The following SCAPER variants were observed in gnomAD, a reference collection of about 807,000 sequenced individuals.
SCAPER encodes S-phase cyclin A associated protein in the ER.
In SCAPER, 98 loss-of-function variants were observed where a neutral mutation model predicts 182.2. That is an observed-to-expected ratio of 0.54 (90% CI 0.46 to 0.64). SCAPER has a LOEUF of 0.64. Ranked by LOEUF, SCAPER falls within the 30% of genes least tolerant of loss-of-function variation. SCAPER has a pLI of 0.00. For missense variants in SCAPER, 1,432 were observed against 1,690.0 expected (o/e 0.85, Z 2.68); for synonymous variants, 605 against 564.6 (o/e 1.07, Z -1.01).
chr15:76,422,581 T>C (rs2046121806), intron 26 of SCAPER, among the ~76,000 whole-genome samples: 1 of 152,212 alleles, frequency 6.6e-6, no homozygotes, highest in Admixed American at 6.5e-5. Context: ...ACAACTTGAC[T>C]TCCTCTTTTC....
intron 27 of SCAPER, among the ~76,000 whole-genome samples, chr15:76,386,483 T>C (rs1307673921): frequency 1.3e-5 from 2 of 152,104 alleles, no homozygotes; most frequent in Non-Finnish European, 1.5e-5. Flanking sequence ...TGCAGGAAGA[T>C]ATAAACGAAC....
At chr15:76,714,142 G>C (rs1023977427) in intron 17 of SCAPER, among the ~76,000 whole-genome samples, 2 of 152,076 alleles carry the variant, frequency 1.3e-5, no homozygotes, top group Admixed American at 1.3e-4. Context: ...AAGAGAGAAA[G>C]TAAATCAGTG....
At chr15:76,462,477 T>C (rs2049264504) in intron 25 of SCAPER, among the ~76,000 whole-genome samples, 2 of 152,292 alleles carry the variant, frequency 1.3e-5, no homozygotes, top group Admixed American at 6.5e-5. Flanking sequence ...CCATATGTGC[T>C]TATAGAGAAT....
intron 1 of SCAPER, among the ~76,000 whole-genome samples, chr15:76,889,375 C>A (rs533321110): frequency 6.6e-6 from 1 of 152,150 alleles, no homozygotes; most frequent in Non-Finnish European, 1.5e-5. Context: ...AAGACACAGA[C>A]TGGCAAATTG....
At chr15:76,656,675 A>C (rs1014466475) in intron 21 of SCAPER, among the ~76,000 whole-genome samples, 4 of 152,094 alleles carry the variant, frequency 2.6e-5, no homozygotes, top group Non-Finnish European at 5.9e-5. Flanking sequence ...AAATTCAAAA[A>C]CCCAAAATCA....
chr15:76,802,462 A>G (rs901337556), intron 6 of SCAPER, among the ~76,000 whole-genome samples: 3 of 152,216 alleles, frequency 2.0e-5, no homozygotes, highest in African/African-American at 7.2e-5. Flanking sequence ...TTACCAACGT[A>G]AGGGTAAAAT....
At chr15:76,441,201 G>C (rs753135265) in intron 25 of SCAPER, among the ~76,000 whole-genome samples, 1 of 145,588 alleles carries the variant, frequency 6.9e-6, no homozygotes, top group African/African-American at 2.4e-5. Context: ...GATTACAGGT[G>C]TGAGCCACCG....
At position 76,793,143 on chromosome 15, in the gene SCAPER, C is replaced by G. The variant is rs79365478; in HGVS notation, c.772+2137G>C. 8.5e-3 allele frequency: 7,192 copies of G among 850,876 alleles called. 291 individuals are homozygous for G. In the African/African-American group the frequency reaches 0.094, roughly 11 times the overall value. 52.7% of individuals were successfully genotyped at this position (850,876 alleles called of 1,614,324 possible). A position where few individuals can be genotyped will look rare whatever the true frequency, so the allele number is the denominator to read the frequency against. On this transcript the variant is annotated intron_variant, in intron 8 of 31. Coordinates refer to ENST00000563290, the MANE Select transcript of SCAPER (RefSeq NM_020843.4). ...CATTAAATGCATGTGGTCACTCTAT[C>G]ATCTTTAACTAGAATTATTTTTTAT...
chr15:76,658,864 C>T (rs953804279), intron 21 of SCAPER, among the ~76,000 whole-genome samples: 1 of 152,116 alleles, frequency 6.6e-6, no homozygotes, highest in Non-Finnish European at 1.5e-5. Flanking sequence ...ATTGGCTAGC[C>T]ATATGCAGAA....
intron 26 of SCAPER, among the ~76,000 whole-genome samples, chr15:76,418,316 T>C (rs1388581519): frequency 6.6e-6 from 1 of 152,154 alleles, no homozygotes; most frequent in East Asian, 1.9e-4. Context: ...GAGGACTTCT[T>C]ACAGGGAAAA....
intron 5 of SCAPER, among the ~76,000 whole-genome samples, chr15:76,837,396 C>T (rs999409145): frequency 6.6e-6 from 1 of 152,136 alleles, no homozygotes; most frequent in East Asian, 1.9e-4. Flanking sequence ...CCTCAGAAAA[C>T]TTATGATCAT....
At chr15:76,400,608 C>T (rs2044390722) in intron 27 of SCAPER, among the ~76,000 whole-genome samples, 1 of 152,044 alleles carries the variant, frequency 6.6e-6, no homozygotes, top group Non-Finnish European at 1.5e-5. Flanking sequence ...AGAGGAAGAA[C>T]AACAATAAGG....
chr15:76,485,059 C>A (rs550884889), intron 24 of SCAPER, among the ~76,000 whole-genome samples: 13 of 152,138 alleles, frequency 8.5e-5, no homozygotes, highest in Admixed American at 2.0e-4. Flanking sequence ...CCAGGGCAAT[C>A]AGGCAAGAGA....
chr15:76,839,963 C>T (rs969535779), intron 5 of SCAPER, among the ~76,000 whole-genome samples: 4 of 152,118 alleles, frequency 2.6e-5, no homozygotes, highest in Non-Finnish European at 4.4e-5. Context: ...AAAGAAACTG[C>T]TGCTTTGATT....
At chr15:76,715,110 G>T (rs143190439) in intron 17 of SCAPER, among the ~76,000 whole-genome samples, 38 of 152,072 alleles carry the variant, frequency 2.5e-4, no homozygotes, top group African/African-American at 8.2e-4. Context: ...AACAGAAGTG[G>T]CATCCCACTC....
At chr15:76,854,201 G>A (rs192483728) in intron 4 of SCAPER, among the ~76,000 whole-genome samples, 11 of 151,954 alleles carry the variant, frequency 7.2e-5, no homozygotes, top group Admixed American at 2.0e-4. Flanking sequence ...CCCAGGAGGC[G>A]GAGGTTGTGG....
chr15:76,656,414 C>T (rs993394416), intron 21 of SCAPER, among the ~76,000 whole-genome samples: 15 of 152,122 alleles, frequency 9.9e-5, no homozygotes, highest in Non-Finnish European at 2.2e-4. Flanking sequence ...TTCTTATAAA[C>T]TTATGAAAAG....
intron 23 of SCAPER, among the ~76,000 whole-genome samples, chr15:76,568,056 A>G (rs1170809365): frequency 6.6e-6 from 1 of 151,862 alleles, no homozygotes; most frequent in Non-Finnish European, 1.5e-5. Context: ...TAGAAGTAAC[A>G]TTTTTTAAAA....
chr15:76,847,212 G>T (rs926781527), intron 4 of SCAPER, among the ~76,000 whole-genome samples: 18 of 152,078 alleles, frequency 1.2e-4, no homozygotes, highest in Non-Finnish European at 2.5e-4. Context: ...AGGGGAGTAG[G>T]GGGGAAGTGG....
Sources: gnomAD v4.1 joint callset for allele counts (sites outside exome capture counted in the v4.1 genomes callset) on GRCh38, gnomAD v4.1.1 for gene constraint, MANE v1.5 for transcripts, NCBI Gene and HGNC (gene_info 2026-07-23, HGNC 2026-07-21) for gene names.